The following HAL variants were observed in gnomAD, a reference collection of about 807,000 sequenced individuals.
HAL encodes the protein histidase.
HAL carries 85 observed loss-of-function variants against 81.1 expected under a neutral mutation model. That is an observed-to-expected ratio of 1.05 (90% CI 0.88 to 1.25). The LOEUF is 1.25. Among genes scored for constraint, HAL ranks in the 50% most tolerant of loss-of-function variants. HAL has a pLI of 0.00. For missense variants in HAL, 798 were observed against 836.6 expected, an observed-to-expected ratio of 0.95 and a Z score of 0.57; for synonymous variants, 301 against 309.2, an observed-to-expected ratio of 0.97 and a Z score of 0.28.
chr12:95,981,157 G>A (rs548449878), intron 15 of HAL, among the ~76,000 whole-genome samples: 1 of 149,044 alleles, frequency 6.7e-6, no homozygotes, highest in Non-Finnish European at 1.5e-5. Context: ...CTGGTGGTTA[G>A]TACCTGCCCT....
Position 95,986,105 on chromosome 12 carries a change from C to A in HAL, c.1107G>T (p.Arg369=), listed in dbSNP as rs974399222. 6.2e-7 allele frequency: 1 copy of A among 1,613,140 alleles called. No homozygotes were observed. Among genetic ancestry groups the A allele is most frequent in the African/African-American group, 1.3e-5 (1 of 74,852 alleles). The change falls in exon 13 of 21, where the codon CGG becomes CGT. Residue 369 remains arginine, a synonymous_variant. Coordinates refer to ENST00000261208, the MANE Select transcript of HAL (RefSeq NM_002108.4). ...RGQIEVAFRF[R]SLLDSDHHPS... is the part of the protein sequence containing the mutation. ...GGTGGTGATCTGAGTCCAAGAGTGA[C>A]CGAAACCGAAAAGCAACTTCAATTT...
chr12:95,991,954 T>A (rs1426945126), intron 9 of HAL, among the ~76,000 whole-genome samples: 2 of 152,234 alleles, frequency 1.3e-5, no homozygotes, highest in African/African-American at 4.8e-5. Context: ...AACTCAAGAA[T>A]GTGTTTTGCT....
chr12:95,976,527 C>T lies in HAL; in HGVS notation c.1764-29G>A, dbSNP rs747080563. Reference sequence around the variant, plus strand: ...CAGGGAGAGCACATCCGCCCATCAGCCAAACATGAAACCCTGCCAGGGTTC... The same window carrying T: ...CAGGGAGAGCACATCCGCCCATCAGTCAAACATGAAACCCTGCCAGGGTTC... On this transcript the variant is annotated intron_variant, in intron 19 of 20. Coordinates refer to ENST00000261208, the MANE Select transcript of HAL (RefSeq NM_002108.4). 35 of 1,610,876 alleles carry T rather than the reference C, an allele frequency of 2.2e-5. No individual in the cohort carries two copies. The South Asian group carries it at 3.5e-4, about 16-fold the overall frequency.
At chr12:95,988,935 C>T (rs139017623) in intron 10 of HAL, among the ~76,000 whole-genome samples, 23 of 152,292 alleles carry the variant, frequency 1.5e-4, no homozygotes. Flanking sequence ...GTCAATTTCA[C>T]AGATTCAAGT....
chr12:95,983,709 G>T (rs2136805220), intron 15 of HAL: 2 of 601,480 alleles, frequency 3.3e-6, no homozygotes, highest in East Asian at 5.6e-5. Flanking sequence ...GAACCTGAGA[G>T]TAAGTTCACA....
chr12:95,980,807 G>A lies in HAL; in HGVS notation c.1344C>T (p.Tyr448=), dbSNP rs2080784188. Residue 448 remains tyrosine (Y), a synonymous_variant, in exon 16 of 21, where the codon TAC becomes TAT. Transcript: ENST00000261208. The part of the protein sequence containing the change: ...TVSGGNFHGE[Y]PAKALDYLAI... ...GTTTTAAAAAGCTTACTTTGGCTGG[G>A]TATTCACCATGGAAGTTTCCTCCAG... 1.3e-6 allele frequency: 2 copies of A among 1,593,398 alleles called. No homozygotes were observed. The highest frequency in any genetic ancestry group is 1.7e-6 in the Non-Finnish European group (2 of 1,161,350).
rs369058504 is a variant in HAL at position 95,976,724 on chromosome 12, A to C, written c.1655-18T>G. The C allele has an allele frequency of 4.9e-5, 74 of 1,500,668 alleles. No homozygotes were observed. The highest frequency in any genetic ancestry group is 5.9e-5 in the Non-Finnish European group (64 of 1,077,268). 93.0% of individuals were successfully genotyped at this position (1,500,668 alleles called of 1,614,324 possible). A position where few individuals can be genotyped will look rare whatever the true frequency, so the allele number is the denominator to read the frequency against. On this transcript the variant is annotated intron_variant, in intron 18 of 20. Transcript: ENST00000261208. Reference sequence around the variant, plus strand: ...GGCCAGCACTGAAACAAGAAATTCCAAGAGGGTAGCTTATGAAAGTCTGAC... The same window carrying C: ...GGCCAGCACTGAAACAAGAAATTCCCAGAGGGTAGCTTATGAAAGTCTGAC...
intron 20 of HAL, chr12:95,976,034 A>G (rs2080714609): frequency 1.2e-5 from 4 of 345,548 alleles, no homozygotes; most frequent in Non-Finnish European, 2.3e-5. Context: ...TTTTCTCTCC[A>G]GGTCTACGCA....
At position 95,978,097 on chromosome 12, in the gene HAL, A is replaced by G; in HGVS notation, c.1520-19T>C. ...TCAGAAACTGCAAGAGACCAGTGCC[A>G]GTTAAGAAGTGCTCCTCACAGGATG... On this transcript the variant is annotated intron_variant, in intron 17 of 20. Transcript: ENST00000261208. The G allele has an allele frequency of 1.2e-6, 2 of 1,610,594 alleles. No homozygotes were observed. The highest frequency in any genetic ancestry group is 1.7e-6 in the Non-Finnish European group (2 of 1,176,894).
intron 17 of HAL, 62 bp from the exon 18 acceptor site, chr12:95,978,140 G>A (rs530954437): frequency 2.3e-5 from 32 of 1,399,190 alleles, no homozygotes; most frequent in African/African-American, 2.1e-4. Flanking sequence ...TAAAGGACCC[G>A]TGGCTTCCAC....
intron 19 of HAL, 48 bp from the exon 20 acceptor site, chr12:95,976,546 A>G: frequency 8.1e-6 from 13 of 1,596,986 alleles, no homozygotes; most frequent in Non-Finnish European, 1.0e-5. Flanking sequence ...AAACCCTGCC[A>G]GGGTTCACAG....
At chr12:95,994,769 G>T in intron 4 of HAL, 29 bp downstream of exon 4, 1 of 1,608,252 alleles carries the variant, frequency 6.2e-7, no homozygotes, top group Non-Finnish European at 8.5e-7. Context: ...TTAATTTTCT[G>T]AAGAAAAAGA....
intron 15 of HAL, among the ~76,000 whole-genome samples, chr12:95,983,218 T>G (rs2080814135): frequency 6.6e-6 from 1 of 152,066 alleles, no homozygotes; most frequent in African/African-American, 2.4e-5. Context: ...CAAAACCCTG[T>G]CTCTACTAAA....
intron 10 of HAL, among the ~76,000 whole-genome samples, chr12:95,989,247 G>A: frequency 6.6e-6 from 1 of 152,232 alleles, no homozygotes; most frequent in East Asian, 1.9e-4. Flanking sequence ...GCACAGTGGT[G>A]CAATCCTAGC....
intron 17 of HAL, among the ~76,000 whole-genome samples, chr12:95,979,730 G>C (rs895183617): frequency 6.6e-6 from 1 of 152,098 alleles, no homozygotes; most frequent in Non-Finnish European, 1.5e-5. Flanking sequence ...CCCTATTTTA[G>C]GATTAAGTAT....
chr12:95,988,996 A>G (rs1462152090), intron 10 of HAL, among the ~76,000 whole-genome samples: 2 of 152,170 alleles, frequency 1.3e-5, no homozygotes, highest in East Asian at 3.8e-4. Context: ...GTCTAGGAGT[A>G]GGCAAAATGA....
chr12:95,976,930 A>C, intron 18 of HAL, among the ~76,000 whole-genome samples: 1 of 152,136 alleles, frequency 6.6e-6, no homozygotes, highest in East Asian at 1.9e-4. Flanking sequence ...TGAGACATTT[A>C]CCTGAATAAT....
At position 95,980,677 on chromosome 12, in the gene HAL, G is replaced by T; in HGVS notation, c.1398C>A (p.Ile466=). The T allele has an allele frequency of 6.2e-7, 1 of 1,613,994 alleles. No homozygotes were observed. Among genetic ancestry groups the T allele is most frequent in the Non-Finnish European group, 8.5e-7 (1 of 1,179,842 alleles). Reference sequence around the variant, plus strand: ...AGAGCCGCTCGATTCTTCTCTCACTGATTGCAGCAAGTTCATGGATGCCAA... The same window carrying T: ...AGAGCCGCTCGATTCTTCTCTCACTTATTGCAGCAAGTTCATGGATGCCAA... ...LAIGIHELAA[I]SERRIERLCN... is the part of the protein sequence containing the mutation. The change falls in exon 17 of 21, where the codon ATC becomes ATA. Residue 466 remains isoleucine (I), a synonymous_variant. Transcript: ENST00000261208.
chr12:95,985,650 G>A (rs899214384), intron 14 of HAL, among the ~76,000 whole-genome samples: 3 of 144,836 alleles, frequency 2.1e-5, no homozygotes, highest in African/African-American at 5.0e-5. Context: ...AAAAAAAAGA[G>A]GTTGTCCTCT....
Sources: gnomAD v4.1 joint callset for allele counts (sites outside exome capture counted in the v4.1 genomes callset) on GRCh38, gnomAD v4.1.1 for gene constraint, MANE v1.5 for transcripts, NCBI Gene and HGNC (gene_info 2026-07-23, HGNC 2026-07-21) for gene names.